OCA2: variants seen among roughly 807,000 people sequenced by gnomAD.
The protein encoded by OCA2 is OCA2 melanosomal transmembrane protein, also known as P protein.
A neutral mutation model predicts 100.2 loss-of-function variants in OCA2; 77 were observed. The ratio of observed to expected loss-of-function variants is 0.77; its 90% CI spans 0.64 to 0.93. The LOEUF is 0.93. Among genes scored for constraint, OCA2 ranks in the 40% least tolerant of loss-of-function variants. The probability of loss-of-function intolerance (pLI) is 0.00; values close to 1 mark genes in which losing one functional copy is unlikely to be tolerated. For missense variants in OCA2, 1,062 were observed against 1,089.1 expected (o/e 0.98, Z 0.35); for synonymous variants, 432 against 439.2 (o/e 0.98, Z 0.21).
At chr15:27,737,324 A>G in the OCA2 span, among the ~76,000 whole-genome samples, 1 of 152,270 alleles carries the variant, frequency 6.6e-6, no homozygotes, top group African/African-American at 2.4e-5. Flanking sequence ...ATATTTATTT[A>G]TGAAAATGAA....
At chr15:28,025,041 A>T in intron 4 of OCA2, 139 bp from the exon 5 acceptor site, 22 of 794,300 alleles carry the variant, frequency 2.8e-5, no homozygotes, top group Non-Finnish European at 4.6e-5. Context: ...TATGAGGGAG[A>T]ACACCCTCAT....
intron 19 of OCA2, among the ~76,000 whole-genome samples, chr15:27,919,751 G>T (rs981251122): frequency 1.3e-5 from 2 of 152,092 alleles, no homozygotes; most frequent in Non-Finnish European, 2.9e-5. Context: ...CAAGAACCAA[G>T]AATGAGCACT....
At chr15:27,904,110 C>T (rs551026713) in intron 19 of OCA2, among the ~76,000 whole-genome samples, 3 of 152,306 alleles carry the variant, frequency 2.0e-5, no homozygotes, top group African/African-American at 4.8e-5. Context: ...TCATAGCTCC[C>T]GTTCTCATTT....
chr15:28,096,926 G>T (rs1173189527), intron 1 of OCA2, among the ~76,000 whole-genome samples: 1 of 152,012 alleles, frequency 6.6e-6, no homozygotes, highest in African/African-American at 2.4e-5. Context: ...AGCCGGGCAC[G>T]CGGCCGCCCA....
chr15:27,975,065 G>T (rs2040923100), intron 14 of OCA2, among the ~76,000 whole-genome samples: 1 of 152,170 alleles, frequency 6.6e-6, no homozygotes, highest in Admixed American at 6.5e-5. Context: ...TTTTCTACGT[G>T]GCTTGGTAGA....
chr15:27,813,637 G>A (rs751630813), intron 23 of OCA2, among the ~76,000 whole-genome samples: 18 of 152,202 alleles, frequency 1.2e-4, no homozygotes, highest in Admixed American at 9.8e-4. Flanking sequence ...CTAGGAGGAA[G>A]TATCCATCGG....
chr15:27,966,869 C>T (rs1382423369), intron 14 of OCA2, 47 bp from the exon 15 acceptor site: 1 of 1,572,636 alleles, frequency 6.4e-7, no homozygotes, highest in Admixed American at 1.8e-5. Flanking sequence ...GGCATGGTGG[C>T]TCACGCCTGT....
intron 2 of OCA2, among the ~76,000 whole-genome samples, chr15:28,059,979 C>A (rs906253598): frequency 3.9e-5 from 6 of 152,240 alleles, no homozygotes; most frequent in African/African-American, 1.2e-4. Context: ...GAGCAGCACA[C>A]ACAATGGCAC....
At position 27,896,248 on chromosome 15, in the gene OCA2, A is replaced by T. The variant is rs2151622577; in HGVS notation, c.2080-24326T>A. On this transcript the variant is annotated intron_variant, in intron 19 of 23. Transcript: ENST00000354638. Reference sequence around the variant, plus strand: ...AAATGATTCCCTGGTTATGGTTCTGAAAGCAAGGAATTTAATGCAGAAGTA... The same window carrying T: ...AAATGATTCCCTGGTTATGGTTCTGTAAGCAAGGAATTTAATGCAGAAGTA... The T allele has an allele frequency of 2.7e-6, 3 of 1,108,976 alleles. No individual in the cohort carries two copies. In the South Asian group the frequency reaches 3.7e-5, roughly 14 times the overall value. The allele number at this position is 1,108,976 out of a possible 1,614,324, so 68.7% of individuals were successfully genotyped here. A position where few individuals can be genotyped will look rare whatever the true frequency, so the allele number is the denominator to read the frequency against.
At chr15:27,955,803 CG>C (rs1430133273) in intron 16 of OCA2, among the ~76,000 whole-genome samples, 1 of 152,070 alleles carries the variant, frequency 6.6e-6, no homozygotes. Flanking sequence ...CTGCTCCTGC[CG>C]GGGTGGTCTC....
At chr15:27,871,097 G>T in intron 21 of OCA2, 57 bp downstream of exon 21, 2 of 1,281,958 alleles carry the variant, frequency 1.6e-6, no homozygotes, top group Non-Finnish European at 2.3e-6. Flanking sequence ...GGGAGGGTGA[G>T]CCCCAGGCTA....
intron 23 of OCA2, among the ~76,000 whole-genome samples, chr15:27,790,860 C>T (rs1389547369): frequency 6.6e-6 from 1 of 150,686 alleles, no homozygotes; most frequent in African/African-American, 2.5e-5. Flanking sequence ...ACAATCATAG[C>T]TCACTGCAGC....
intron 23 of OCA2, among the ~76,000 whole-genome samples, chr15:27,837,774 G>A (rs1317918021): frequency 6.6e-6 from 1 of 151,448 alleles, no homozygotes; most frequent in East Asian, 1.9e-4. Flanking sequence ...AGGCAGGCGT[G>A]CCCATCAAAG....
chr15:27,976,846 G>A (rs960116441), intron 14 of OCA2, among the ~76,000 whole-genome samples: 13 of 152,096 alleles, frequency 8.5e-5, no homozygotes. Flanking sequence ...CTATTTGGGA[G>A]AATTCACCAA....
intron 1 of OCA2, among the ~76,000 whole-genome samples, chr15:28,082,442 CAGTG>C (rs1250722548): frequency 6.6e-6 from 1 of 152,186 alleles, no homozygotes; most frequent in Non-Finnish European, 1.5e-5. Flanking sequence ...TTCTTGAAGT[CAGTG>C]AGAGCAAGAA....
intron 15 of OCA2, among the ~76,000 whole-genome samples, chr15:27,965,931 G>C (rs1372649633): frequency 1.3e-5 from 2 of 151,650 alleles, no homozygotes; most frequent in East Asian, 1.9e-4. Context: ...CCCTCATCCT[G>C]CTGGCTGGTG....
intron 23 of OCA2, among the ~76,000 whole-genome samples, chr15:27,828,621 TA>T (rs2151302908): frequency 6.6e-6 from 1 of 152,182 alleles, no homozygotes; most frequent in East Asian, 1.9e-4. Flanking sequence ...ACAAATACAG[TA>T]AAAATCACAG....
At chr15:27,848,194 C>T (rs1366058674) in intron 22 of OCA2, among the ~76,000 whole-genome samples, 1 of 152,206 alleles carries the variant, frequency 6.6e-6, no homozygotes, top group African/African-American at 2.4e-5. Flanking sequence ...ATGCCAGTCC[C>T]TGGCCAGGAC....
intron 22 of OCA2, among the ~76,000 whole-genome samples, chr15:27,847,339 G>A (rs1305531330): frequency 6.6e-5 from 10 of 152,158 alleles, no homozygotes; most frequent in Non-Finnish European, 7.3e-5. Context: ...CACTGTTCTC[G>A]GCCTCTCCCT....
Sources: gnomAD v4.1 joint callset for allele counts (sites outside exome capture counted in the v4.1 genomes callset) on GRCh38, gnomAD v4.1.1 for gene constraint, MANE v1.5 for transcripts, NCBI Gene and HGNC (gene_info 2026-07-23, HGNC 2026-07-21) for gene names.